Variants in TMEM45A observed in about 807,000 individuals in gnomAD.
TMEM45A encodes DNA polymerase-transactivated protein 4.
A neutral mutation model predicts 32.0 loss-of-function variants in TMEM45A; 25 were observed. That is an observed-to-expected ratio of 0.78 (90% CI 0.57 to 1.09). The LOEUF (loss-of-function observed/expected upper bound fraction) is 1.09, where lower values mean the gene tolerates loss of function less well. Ranked by LOEUF, TMEM45A falls within the 50% of genes least tolerant of loss-of-function variation. TMEM45A has a pLI of 0.00. For missense variants in TMEM45A, 302 were observed against 325.0 expected (o/e 0.93, Z 0.54); for synonymous variants, 122 against 114.8 (o/e 1.06, Z -0.40).
intron 5 of TMEM45A, chr3:100,573,615 C>A (rs1706618569): frequency 6.6e-6 from 1 of 152,078 alleles, no homozygotes; most frequent in African/African-American, 2.4e-5. Context: ...CCTGATTGCC[C>A]TGGCCAGAAC....
intron 4 of TMEM45A, among the ~76,000 whole-genome samples, chr3:100,568,006 C>T (rs1462934495): frequency 2.6e-5 from 4 of 152,216 alleles, no homozygotes; most frequent in African/African-American, 7.2e-5. Context: ...AGGATGGTCT[C>T]GATCTCCTGA....
At chr3:100,571,871 T>C (rs1706569437) in intron 5 of TMEM45A, 1 of 152,238 alleles carries the variant, frequency 6.6e-6, no homozygotes, top group Non-Finnish European at 1.5e-5. Context: ...GTTCTTGCGA[T>C]AGTTTGCTGA....
chr3:100,573,861 G>GCC (rs1706625652), intron 5 of TMEM45A: 1 of 152,212 alleles, frequency 6.6e-6, no homozygotes, highest in Non-Finnish European at 1.5e-5. Context: ...AGATAATCAT[G>GCC]TGGTTTTTGT....
Position 100,568,952 on chromosome 3 carries a change from A to G in TMEM45A, c.719A>G (p.Tyr240Cys), listed in dbSNP as rs758119351. The G allele has an allele frequency of 1.9e-6, 3 of 1,612,794 alleles. No homozygotes were observed. The South Asian group carries it at 3.3e-5, about 18-fold the overall frequency. ...AVTIVIVGMNYAFITWLVKSR... is the reference protein window; with the variant it reads ...AVTIVIVGMNCAFITWLVKSR... Reference sequence around the variant, plus strand: ...ACCATTGTCATCGTTGGAATGAATTATGCTTTCATTACCTGGTAAGTTAGC... The same window carrying G: ...ACCATTGTCATCGTTGGAATGAATTGTGCTTTCATTACCTGGTAAGTTAGC... Residue 240 changes from tyrosine to cysteine, a missense_variant, in exon 5 of 6, where the codon TAT (tyrosine) becomes TGT (cysteine). Transcript: ENST00000323523.
intron 5 of TMEM45A, chr3:100,574,684 T>A (rs980888185): frequency 6.6e-6 from 1 of 152,254 alleles, no homozygotes; most frequent in African/African-American, 2.4e-5. Context: ...CTGGCTAGAT[T>A]GTGTCTCCTT....
At chr3:100,555,484 T>A (rs1326445998) in intron 2 of TMEM45A, 83 bp downstream of exon 2, 1 of 1,366,230 alleles carries the variant, frequency 7.3e-7, no homozygotes, top group African/African-American at 1.5e-5. Flanking sequence ...TCTGAAATAA[T>A]TTTATATCAA....
intron 2 of TMEM45A, 104 bp downstream of exon 2, chr3:100,555,505 C>CCTG: frequency 8.2e-7 from 1 of 1,226,008 alleles, no homozygotes; most frequent in Non-Finnish European, 1.1e-6. Flanking sequence ...TTGTTCTGAT[C>CCTG]TCTGAAAGAA....
At chr3:100,531,815 C>T (rs191126042) in intron 1 of TMEM45A, among the ~76,000 whole-genome samples, 6 of 152,212 alleles carry the variant, frequency 3.9e-5, no homozygotes, top group Admixed American at 6.5e-5. Flanking sequence ...ATGATGCTGG[C>T]GATTTATTTT....
intron 1 of TMEM45A, among the ~76,000 whole-genome samples, chr3:100,504,761 G>A (rs752301907): frequency 2.6e-5 from 4 of 152,228 alleles, no homozygotes; most frequent in Non-Finnish European, 5.9e-5. Context: ...ACTGGATCAA[G>A]CATGGACAAG....
At chr3:100,516,163 G>C (rs1708258653) in intron 1 of TMEM45A, among the ~76,000 whole-genome samples, 1 of 152,132 alleles carries the variant, frequency 6.6e-6, no homozygotes, top group South Asian at 2.1e-4. Flanking sequence ...AGAGAGCATA[G>C]GTGAGAGCTC....
At chr3:100,539,019 AT>A (rs1167126337) in intron 1 of TMEM45A, among the ~76,000 whole-genome samples, 1 of 152,178 alleles carries the variant, frequency 6.6e-6, no homozygotes, top group Non-Finnish European at 1.5e-5. Flanking sequence ...TTAAGATGTC[AT>A]TTCTTCCCAA....
intron 1 of TMEM45A, among the ~76,000 whole-genome samples, chr3:100,553,354 A>G (rs1186966287): frequency 6.6e-6 from 1 of 151,980 alleles, no homozygotes; most frequent in Non-Finnish European, 1.5e-5. Flanking sequence ...TGAAAACCTT[A>G]TTTTCAGTGG....
rs142645483 is a variant in TMEM45A at position 100,517,230 on chromosome 3, C to T, written c.-4+24302C>T. 3.2e-3 allele frequency among the ~76,000 whole-genome samples: 482 copies of T among 152,290 alleles called. 4 individuals carry two copies. The highest frequency in any genetic ancestry group is 5.1e-3 in the Non-Finnish European group (350 of 68,032). On this transcript the variant is annotated intron_variant, in intron 1 of 5. Transcript: ENST00000323523. The stretch of plus-strand genomic sequence containing the variant: ...CTTCTGGGTTGAAGCGATTCTCCTG[C>T]CTTAGCCTCCTAAGTAGCTGGGATT...
intron 1 of TMEM45A, among the ~76,000 whole-genome samples, chr3:100,527,466 T>G (rs1705568239): frequency 6.6e-6 from 1 of 152,106 alleles, no homozygotes; most frequent in South Asian, 2.1e-4. Context: ...TCAGAACCAG[T>G]AAAAATCTAA....
intron 1 of TMEM45A, among the ~76,000 whole-genome samples, chr3:100,512,474 A>C (rs900324747): frequency 3.9e-5 from 6 of 152,364 alleles, no homozygotes; most frequent in African/African-American, 1.4e-4. Flanking sequence ...CATTCAAAGC[A>C]GTGTGTAGAG....
At chr3:100,537,669 G>A (rs1275455481) in intron 1 of TMEM45A, among the ~76,000 whole-genome samples, 1 of 152,216 alleles carries the variant, frequency 6.6e-6, no homozygotes, top group Non-Finnish European at 1.5e-5. Flanking sequence ...GGCAAAGAAG[G>A]CGAGGCCATA....
At chr3:100,502,041 A>G (rs1708014356) in intron 1 of TMEM45A, among the ~76,000 whole-genome samples, 1 of 152,222 alleles carries the variant, frequency 6.6e-6, no homozygotes, top group Admixed American at 6.5e-5. Flanking sequence ...TTAGTTCCTT[A>G]AAGATTCCTC....
At chr3:100,507,626 TA>T (rs36031993) in intron 1 of TMEM45A, among the ~76,000 whole-genome samples, 12,090 of 152,158 alleles carry the variant, frequency 0.079, 1,643 homozygotes, top group African/African-American at 0.27. Flanking sequence ...ATGGATTGAG[TA>T]ACTAGAGTTG....
At chr3:100,557,376 C>T (rs1417613499) in intron 3 of TMEM45A, among the ~76,000 whole-genome samples, 11 of 152,162 alleles carry the variant, frequency 7.2e-5, no homozygotes, top group Non-Finnish European at 1.3e-4. Flanking sequence ...TATCTACTAA[C>T]AGGCTTTTTC....
Sources: gnomAD v4.1 joint callset for allele counts (sites outside exome capture counted in the v4.1 genomes callset) on GRCh38, gnomAD v4.1.1 for gene constraint, MANE v1.5 for transcripts, NCBI Gene and HGNC (gene_info 2026-07-23, HGNC 2026-07-21) for gene names.